The following HAT1 variants were observed in gnomAD, a reference collection of about 807,000 sequenced individuals.
The protein encoded by HAT1 is histone acetyltransferase 1.
Under a neutral mutation model 56.6 loss-of-function variants are expected in HAT1, and 20 were observed. That is an observed-to-expected ratio of 0.35 (90% CI 0.25 to 0.51). The LOEUF (loss-of-function observed/expected upper bound fraction) is 0.51. Among genes scored for constraint, HAT1 ranks in the 20% least tolerant of loss-of-function variants. The probability of loss-of-function intolerance (pLI) is 0.95; values close to 1 mark genes in which losing one functional copy is unlikely to be tolerated. For missense variants in HAT1, 408 were observed against 504.3 expected (o/e 0.81, Z 1.83); for synonymous variants, 146 against 165.5 (o/e 0.88, Z 0.91).
intron 2 of HAT1, among the ~76,000 whole-genome samples, chr2:171,939,165 A>G (rs1019406702): frequency 7.2e-5 from 11 of 152,176 alleles, no homozygotes; most frequent in Admixed American, 1.3e-4. Flanking sequence ...TTCCCAGTTC[A>G]GGGTTCTTTT....
At chr2:171,967,817 T>C (rs1687719239) in intron 8 of HAT1, among the ~76,000 whole-genome samples, 1 of 152,126 alleles carries the variant, frequency 6.6e-6, no homozygotes, top group Non-Finnish European at 1.5e-5. Flanking sequence ...AACTATACTA[T>C]TTAACATGCA....
At chr2:171,968,621 G>A (rs932503371) in intron 8 of HAT1, among the ~76,000 whole-genome samples, 6 of 152,106 alleles carry the variant, frequency 3.9e-5, no homozygotes, top group Non-Finnish European at 7.4e-5. Context: ...ACATGCTAAA[G>A]GACTTCTGAA....
At chr2:171,943,942 AT>A (rs1027707315) in intron 2 of HAT1, among the ~76,000 whole-genome samples, 1 of 152,118 alleles carries the variant, frequency 6.6e-6, no homozygotes, top group Admixed American at 6.5e-5. Context: ...GAGCCCAGAA[AT>A]TGGATACGAG....
At chr2:171,941,337 G>A (rs1687013472) in intron 2 of HAT1, among the ~76,000 whole-genome samples, 1 of 151,958 alleles carries the variant, frequency 6.6e-6, no homozygotes, top group Admixed American at 6.6e-5. Context: ...CTCAGCCTCT[G>A]GAGTAGCTGT....
chr2:171,938,062 CTCTCTCTCTCTCTT>C (rs1373822249), intron 2 of HAT1, among the ~76,000 whole-genome samples: 89 of 128,118 alleles, frequency 6.9e-4, no homozygotes, highest in Middle Eastern at 4.3e-3. Context: ...CTCTCTCTCT[CTCTCTCTCTCTCTT>C]TAAATGAACT....
chr2:171,938,024 T>TTCTCATTC (rs1482378377), intron 2 of HAT1, among the ~76,000 whole-genome samples: 85 of 104,848 alleles, frequency 8.1e-4, no homozygotes, highest in Non-Finnish European at 1.3e-3. Context: ...TGTCTACTGA[T>TTCTCATTC]TCTCTCTCTC....
At chr2:171,963,691 TACACA>T (rs1477919690) in intron 4 of HAT1, among the ~76,000 whole-genome samples, 3 of 152,216 alleles carry the variant, frequency 2.0e-5, no homozygotes, top group African/African-American at 7.2e-5. Context: ...TTTTAATTGC[TACACA>T]ACACATCTAT....
intron 2 of HAT1, among the ~76,000 whole-genome samples, chr2:171,938,024 TTC>T (rs374402453): frequency 0.04 from 4,199 of 104,670 alleles, 126 homozygotes; most frequent in African/African-American, 0.1. Flanking sequence ...TGTCTACTGA[TTC>T]TCTCTCTCTC....
chr2:171,946,696 C>T lies in HAT1; in HGVS notation c.113-12C>T. ...ATCTTTAATATCTCTATTTTTTTGT[C>T]CCTTGAAACAGTTCGTTTTCCTGAA... On this transcript the variant is annotated splice_polypyrimidine_tract_variant and intron_variant, in intron 2 of 10. Transcript: ENST00000264108. The T allele has an allele frequency of 1.3e-6, 2 of 1,495,416 alleles. No individual in the cohort carries two copies. The highest frequency in any genetic ancestry group is 1.4e-5 in the African/African-American group (1 of 72,176). 92.6% of individuals were successfully genotyped at this position (1,495,416 alleles called of 1,614,324 possible).
chr2:171,958,990 T>G (rs1474220967), intron 4 of HAT1, among the ~76,000 whole-genome samples: 1 of 152,242 alleles, frequency 6.6e-6, no homozygotes, highest in Non-Finnish European at 1.5e-5. Context: ...TTTGGTTTTT[T>G]TGTGTGTTTT....
intron 3 of HAT1, among the ~76,000 whole-genome samples, chr2:171,952,392 C>T (rs1687331117): frequency 6.6e-6 from 1 of 152,168 alleles, no homozygotes; most frequent in South Asian, 2.1e-4. Context: ...CTTTTGAGTT[C>T]ATAGAGCAGT....
intron 4 of HAT1, among the ~76,000 whole-genome samples, chr2:171,959,927 C>T (rs1687535720): frequency 6.6e-6 from 1 of 152,164 alleles, no homozygotes; most frequent in Admixed American, 6.5e-5. Context: ...TCTAAAAATA[C>T]AGCATTTTTG....
At chr2:171,939,307 C>T (rs1000545261) in intron 2 of HAT1, among the ~76,000 whole-genome samples, 1 of 152,144 alleles carries the variant, frequency 6.6e-6, no homozygotes, top group South Asian at 2.1e-4. Flanking sequence ...GTCAACAAAC[C>T]CAGTGTTCGC....
At chr2:171,929,396 C>T (rs547643874) in intron 2 of HAT1, among the ~76,000 whole-genome samples, 2 of 152,118 alleles carry the variant, frequency 1.3e-5, no homozygotes, top group Non-Finnish European at 2.9e-5. Context: ...GTTTTGTGCA[C>T]ATTTTTCTCT....
Position 171,983,377 on chromosome 2 carries a change from G to A in HAT1, c.*25G>A. On this transcript the variant is annotated 3_prime_UTR_variant, in exon 11 of 11. Coordinates refer to ENST00000264108, the MANE Select transcript of HAT1 (RefSeq NM_003642.4). ...AAGATTATACTGCTCTGTACAGGAA[G>A]CTTGCAAATTTTCTGTACAATGTGC... 1 of 1,388,090 alleles carries A rather than the reference G, an allele frequency of 7.2e-7. No individual in the cohort carries two copies. Among genetic ancestry groups the A allele is most frequent in the Non-Finnish European group, 9.7e-7 (1 of 1,032,568 alleles). The allele number at this position is 1,388,090 out of a possible 1,614,324, so 86.0% of individuals were successfully genotyped here.
intron 4 of HAT1, among the ~76,000 whole-genome samples, chr2:171,963,775 C>T (rs1279653597): frequency 1.3e-5 from 2 of 152,076 alleles, no homozygotes; most frequent in Non-Finnish European, 2.9e-5. Flanking sequence ...ATAAAATATG[C>T]TTACGATGGC....
At chr2:171,943,107 A>G (rs1305280890) in intron 2 of HAT1, among the ~76,000 whole-genome samples, 1 of 151,892 alleles carries the variant, frequency 6.6e-6, no homozygotes, top group Non-Finnish European at 1.5e-5. Flanking sequence ...CAGGCATACA[A>G]AAAATACAGT....
At chr2:171,977,563 T>A (rs1357295049) in intron 9 of HAT1, among the ~76,000 whole-genome samples, 1,102 of 32,860 alleles carry the variant, frequency 0.034, 5 homozygotes, top group Non-Finnish European at 0.043. Context: ...ATATATTTTT[T>A]TTTTTTTTTT....
chr2:171,951,700 C>A (rs1202279240), intron 3 of HAT1, among the ~76,000 whole-genome samples: 2 of 151,072 alleles, frequency 1.3e-5, no homozygotes, highest in African/African-American at 4.9e-5. Context: ...TCCCAAAGTG[C>A]TGGGATTACT....
Sources: allele counts gnomAD v4.1 joint callset (sites outside exome capture counted in the v4.1 genomes callset), GRCh38; gene constraint gnomAD v4.1.1; transcripts MANE v1.5; gene names NCBI Gene and HGNC (gene_info 2026-07-23, HGNC 2026-07-21).